NR5A2: variants seen among roughly 807,000 people sequenced by gnomAD.
NR5A2 encodes the protein CYP7A promoter-binding factor.
In NR5A2, 26 loss-of-function variants were observed where a neutral mutation model predicts 62.7. That is an observed-to-expected ratio of 0.41 (90% confidence interval 0.30 to 0.58). The LOEUF (loss-of-function observed/expected upper bound fraction) is 0.58, where lower values mean the gene tolerates loss of function less well. NR5A2 is among the 20% of genes least tolerant of loss of function. NR5A2 has a pLI of 0.22. For missense variants in NR5A2, 541 were observed against 669.1 expected (o/e 0.81, Z 2.11); for synonymous variants, 246 against 241.7 (o/e 1.02, Z -0.16).
intron 7 of NR5A2, among the ~76,000 whole-genome samples, chr1:200,155,310 G>A (rs749886838): frequency 9.9e-5 from 15 of 152,034 alleles, no homozygotes; most frequent in Non-Finnish European, 1.5e-4. Context: ...CATCCAAATG[G>A]CACATTCATT....
chr1:200,028,443 A>AC (rs1391448348), intron 1 of NR5A2, among the ~76,000 whole-genome samples: 2 of 150,672 alleles, frequency 1.3e-5, no homozygotes, highest in African/African-American at 2.4e-5. Flanking sequence ...AAAAAAAAAA[A>AC]CCAAAAAAAC....
At chr1:200,045,811 C>T (rs184663446) in intron 4 of NR5A2, among the ~76,000 whole-genome samples, 3 of 152,112 alleles carry the variant, frequency 2.0e-5, no homozygotes, top group Admixed American at 2.0e-4. Context: ...TTTCCCCTGC[C>T]CACCCCCTTT....
chr1:200,167,352 TTCTC>T (rs1271785232), intron 7 of NR5A2, among the ~76,000 whole-genome samples: 6 of 152,082 alleles, frequency 3.9e-5, no homozygotes, highest in African/African-American at 1.4e-4. Context: ...CCCTCACTCT[TTCTC>T]TCTGTCTCTC....
intron 7 of NR5A2, among the ~76,000 whole-genome samples, chr1:200,142,713 A>G (rs1035778530): frequency 2.0e-5 from 3 of 152,094 alleles, no homozygotes; most frequent in Non-Finnish European, 4.4e-5. Flanking sequence ...GATTTCTAAT[A>G]GACCTGTTTT....
intron 5 of NR5A2, among the ~76,000 whole-genome samples, chr1:200,090,825 G>A (rs1664782116): frequency 6.6e-6 from 1 of 152,120 alleles, no homozygotes; most frequent in Non-Finnish European, 1.5e-5. Flanking sequence ...ACAGACACAG[G>A]TTTCCCTGAG....
intron 2 of NR5A2, among the ~76,000 whole-genome samples, chr1:200,043,289 C>G (rs945960304): frequency 1.3e-5 from 2 of 152,178 alleles, no homozygotes; most frequent in African/African-American, 2.4e-5. Context: ...GTTTCTCTGT[C>G]GGACAGAGTT....
At chr1:200,032,936 C>T (rs1312283622) in intron 1 of NR5A2, among the ~76,000 whole-genome samples, 1 of 152,186 alleles carries the variant, frequency 6.6e-6, no homozygotes, top group Non-Finnish European at 1.5e-5. Flanking sequence ...GACTTTCCTC[C>T]AATGGACATT....
intron 5 of NR5A2, among the ~76,000 whole-genome samples, chr1:200,068,527 C>G (rs142429235): frequency 7.2e-5 from 11 of 152,232 alleles, no homozygotes; most frequent in African/African-American, 2.6e-4. Flanking sequence ...CTTATTAGCC[C>G]AAGTCAGTGG....
chr1:200,126,700 T>A (rs969990676), intron 7 of NR5A2, among the ~76,000 whole-genome samples: 31 of 148,914 alleles, frequency 2.1e-4, no homozygotes, highest in South Asian at 1.5e-3. Flanking sequence ...TTTTTTTTTT[T>A]AATTTTTAGT....
At chr1:200,108,371 C>G (rs1159519984) in intron 5 of NR5A2, among the ~76,000 whole-genome samples, 1 of 152,206 alleles carries the variant, frequency 6.6e-6, no homozygotes, top group Non-Finnish European at 1.5e-5. Context: ...AGCCACCACA[C>G]CTGGCTGACA....
rs767047511 is a variant in NR5A2, at chr1:200,147,694, G to T, written c.1379-26269G>T. 5.9e-6 allele frequency: 4 copies of T among 677,544 alleles called. No homozygotes were observed. The highest frequency in any genetic ancestry group is 1.1e-5 in the Non-Finnish European group (4 of 357,342). The allele number at this position is 677,544 out of a possible 1,614,324, so 42.0% of individuals were successfully genotyped here. On this transcript the variant is annotated intron_variant, in intron 7 of 7. Transcript: ENST00000367362. This position sits in a 1 kb window ranked among gnomAD's most constrained non-coding sequence, Gnocchi z 4.9. Reference sequence around the variant, plus strand: ...GAAGACATGGGTGGACTTGGGCTCCGAGGCGATCTCCTCCAGCTCCTCCCT... The same window carrying T: ...GAAGACATGGGTGGACTTGGGCTCCTAGGCGATCTCCTCCAGCTCCTCCCT...
chr1:200,147,484 T>G lies in NR5A2; in HGVS notation c.1379-26479T>G. The stretch of plus-strand genomic sequence containing the variant: ...GAGAGCTCTTTGAGGCAAGGGACAA[T>G]TTGATCTGTTTCTTCATCCTTAAAA... On this transcript the variant is annotated intron_variant, in intron 7 of 7. Coordinates refer to ENST00000367362, the MANE Select transcript of NR5A2 (RefSeq NM_205860.3). The surrounding 1 kb of genome is among the most constrained non-coding windows in gnomAD (Gnocchi z 4.9). 1 of 619,702 alleles carries G rather than the reference T, an allele frequency of 1.6e-6. No homozygotes were observed. The highest frequency in any genetic ancestry group is 3.1e-6 in the Non-Finnish European group (1 of 322,188). The allele number at this position is 619,702 out of a possible 1,614,324, so 38.4% of individuals were successfully genotyped here.
rs748299766 is a variant in NR5A2, at chr1:200,048,301, A to G, written c.593A>G (p.Gln198Arg). 6.2e-7 allele frequency: 1 copy of G among 1,614,168 alleles called. No homozygotes were observed. Among genetic ancestry groups the G allele is most frequent in the Non-Finnish European group, 8.5e-7 (1 of 1,180,034 alleles). Residue 198 changes from glutamine (Q) to arginine (R), a missense_variant, in exon 5 of 8, where the codon CAG (glutamine) becomes CGG (arginine). Gln to Arg is a conservative substitution (Grantham distance 43). Around this residue, in one of 3 missense-constraint regions of NR5A2, gnomAD observed 379 missense variants for 442.0 expected, o/e 0.86. Coordinates refer to ENST00000367362, the MANE Select transcript of NR5A2 (RefSeq NM_205860.3). This position sits in a 1 kb window ranked among gnomAD's most constrained non-coding sequence, Gnocchi z 4.8. ...GGACTTAAGCTAGAAGCCATGTCTC[A>G]GGTGATCCAAGCTATGCCCTCTGAC... is the stretch of plus-strand genomic sequence containing the variant. The part of the protein sequence containing the change: ...ANGLKLEAMS[Q>R]VIQAMPSDLT...
At chr1:200,121,966 A>C (rs1473999576) in intron 7 of NR5A2, among the ~76,000 whole-genome samples, 1 of 152,258 alleles carries the variant, frequency 6.6e-6, no homozygotes, top group Non-Finnish European at 1.5e-5. Context: ...ACTGTTGCTA[A>C]TAAAGGGGTA....
intron 5 of NR5A2, among the ~76,000 whole-genome samples, chr1:200,052,770 T>C (rs1662701582): frequency 6.6e-6 from 1 of 151,920 alleles, no homozygotes; most frequent in Non-Finnish European, 1.5e-5. Flanking sequence ...GCCTCCTGAG[T>C]AGCTGGGACT....
rs561115289 is a variant in NR5A2, at chr1:200,071,109, C to T, written c.1110+22291C>T. 4.5e-4 allele frequency among the ~76,000 whole-genome samples: 68 copies of T among 152,246 alleles called. 1 individual carries two copies. The highest frequency in any genetic ancestry group is 1.2e-3 in the African/African-American group (49 of 41,536). On this transcript the variant is annotated intron_variant, in intron 5 of 7. Transcript: ENST00000367362. ...ATTATTTACCCAGATGGCTGCCTAA[C>T]GAGAATTTGAGATTAGGTCAAATCA...
At chr1:200,172,800 G>A (rs552400827) in intron 7 of NR5A2, among the ~76,000 whole-genome samples, 64 of 152,300 alleles carry the variant, frequency 4.2e-4, no homozygotes, top group Non-Finnish European at 7.1e-4. Flanking sequence ...TACTTGAACC[G>A]AGTTTAGTAT....
rs1418165321 is a variant in NR5A2, at chr1:200,176,590, TATAAG to T, written c.*2383_*2387del. ...CATGTGTAATGTGGATGGAGACAAT[TATAAG>T]ATTTGACTATAACTATTTGGAGGGT... On this transcript the variant is annotated 3_prime_UTR_variant, in exon 8 of 8. Coordinates refer to ENST00000367362, the MANE Select transcript of NR5A2 (RefSeq NM_205860.3). The T allele has an allele frequency of 3.3e-5, 5 of 152,212 alleles. No homozygotes were observed. The highest frequency in any genetic ancestry group is 1.2e-4 in the African/African-American group (5 of 41,450). The allele number at this position is 152,212 out of a possible 1,614,324, so 9.4% of individuals were successfully genotyped here.
At chr1:200,033,362 C>A (rs1661614893) in intron 1 of NR5A2, among the ~76,000 whole-genome samples, 1 of 151,980 alleles carries the variant, frequency 6.6e-6, no homozygotes, top group Admixed American at 6.6e-5. Flanking sequence ...ACTGTTGTAC[C>A]ATGAGAGGAG....
Sources: gnomAD v4.1 joint callset for allele counts (sites outside exome capture counted in the v4.1 genomes callset) on GRCh38, gnomAD v4.1.1 for gene constraint, gnomAD v4.1.1 regional missense constraint, Gnocchi (gnomAD v3.1) non-coding constraint, MANE v1.5 for transcripts, NCBI Gene and HGNC (gene_info 2026-07-23, HGNC 2026-07-21) for gene names.